Variants in TIAM2 observed in about 807,000 individuals in gnomAD.
The protein encoded by TIAM2 is TIAM Rac1 associated GEF 2.
TIAM2 carries 80 observed loss-of-function variants against 152.9 expected under a neutral mutation model. That is an observed-to-expected ratio of 0.52 (90% CI 0.44 to 0.63). TIAM2 has a LOEUF of 0.63. Among genes scored for constraint, TIAM2 ranks in the 30% least tolerant of loss-of-function variants. The pLI is 0.00. For synonymous variants in TIAM2, 804 were observed against 838.0 expected (o/e 0.96, Z 0.70); for missense variants, 1,965 against 2,120.1 (o/e 0.93, Z 1.44).
chr6:155,226,209 A>G (rs1469415174), intron 15 of TIAM2, among the ~76,000 whole-genome samples: 1 of 152,250 alleles, frequency 6.6e-6, no homozygotes, highest in Non-Finnish European at 1.5e-5. Context: ...TCTTTGATCC[A>G]TGAAACCTGA....
rs535713382 is a variant in TIAM2 at position 155,168,716 on chromosome 6, A to G, written c.2361+3307A>G. On this transcript the variant is annotated intron_variant, in intron 9 of 26. Transcript: ENST00000682666. ...AAACTTTAAGTGTATTAGAATAATG[A>G]TACAAATTGTGATATGAAGCTCTTC... 5.7e-4 allele frequency: 429 copies of G among 750,668 alleles called. 3 individuals carry two copies. In the African/African-American group the frequency reaches 6.7e-3, roughly 12 times the overall value. 46.5% of individuals were successfully genotyped at this position (750,668 alleles called of 1,614,324 possible).
chr6:155,056,923 G>A (rs76248379), intron 1 of TIAM2, among the ~76,000 whole-genome samples: 3,014 of 150,500 alleles, frequency 0.02, 157 homozygotes, highest in Admixed American at 0.13. Flanking sequence ...TCTTAGCTGT[G>A]ACAGTTTCTG....
At chr6:155,118,075 A>T (rs1032426481) in intron 2 of TIAM2, among the ~76,000 whole-genome samples, 1 of 151,974 alleles carries the variant, frequency 6.6e-6, no homozygotes, top group Non-Finnish European at 1.5e-5. Context: ...AAGTGTCCTG[A>T]GGTTGATGGT....
rs1780720989 is a variant in TIAM2 at position 155,174,716 on chromosome 6, G to A, written c.2362-2100G>A. Among the ~76,000 whole-genome samples the A allele has an allele frequency of 6.6e-6, 1 of 152,116 alleles. No homozygotes were observed. Among genetic ancestry groups the A allele is most frequent in the Non-Finnish European group, 1.5e-5 (1 of 68,030 alleles). On this transcript the variant is annotated intron_variant, in intron 9 of 26. Coordinates refer to ENST00000682666, the MANE Select transcript of TIAM2 (RefSeq NM_012454.4). This position sits in a 1 kb window ranked among gnomAD's most constrained non-coding sequence, Gnocchi z 4.2. ...TTGTCAGTAACGGTGAGAACAAGAG[G>A]GTGTGAAGGCACAGTGTTAATTTGT...
At chr6:155,047,958 T>C (rs1353301139) in intron 1 of TIAM2, among the ~76,000 whole-genome samples, 3 of 152,138 alleles carry the variant, frequency 2.0e-5, no homozygotes, top group East Asian at 3.9e-4. Flanking sequence ...TTTTATTTTA[T>C]TTATTTGTTT....
chr6:155,124,219 C>A (rs1314293573), intron 2 of TIAM2, among the ~76,000 whole-genome samples: 2 of 152,240 alleles, frequency 1.3e-5, no homozygotes, highest in Admixed American at 6.5e-5. Flanking sequence ...TGGAGTTTCA[C>A]CATTTTGGCC....
At chr6:155,114,960 T>A (rs780053505) in intron 2 of TIAM2, among the ~76,000 whole-genome samples, 97 of 152,244 alleles carry the variant, frequency 6.4e-4, no homozygotes, top group Admixed American at 1.7e-3. Context: ...CCCAAGTAGC[T>A]GGGACTACAG....
chr6:155,256,395 T>C (rs895961336), intron 26 of TIAM2, 89 bp from the exon 27 acceptor site: 18 of 1,560,524 alleles, frequency 1.2e-5, no homozygotes, highest in Non-Finnish European at 1.6e-5. Context: ...AAAATCTTAA[T>C]GTTAAATCTT....
intron 14 of TIAM2, among the ~76,000 whole-genome samples, chr6:155,197,340 C>A (rs1781370213): frequency 6.6e-6 from 1 of 152,196 alleles, no homozygotes; most frequent in African/African-American, 2.4e-5. Context: ...CTTCGCATAG[C>A]AGTATTAGCA....
intron 7 of TIAM2, among the ~76,000 whole-genome samples, chr6:155,154,010 T>A (rs1780041307): frequency 6.6e-6 from 1 of 152,182 alleles, no homozygotes; most frequent in South Asian, 2.1e-4. Context: ...TTTTATGAGA[T>A]ATTTGACAAA....
At chr6:155,003,087 T>C (rs1410602462) in intron 1 of TIAM2, among the ~76,000 whole-genome samples, 3 of 152,158 alleles carry the variant, frequency 2.0e-5, no homozygotes, top group South Asian at 2.1e-4. Flanking sequence ...GAAGTGTTCA[T>C]TGAAATTGTT....
At chr6:155,254,761 A>G in intron 26 of TIAM2, 188 bp downstream of exon 26, 2 of 636,728 alleles carry the variant, frequency 3.1e-6, no homozygotes, top group Non-Finnish European at 5.2e-6. Flanking sequence ...GCCACCCCCA[A>G]CCCCCAGTCC....
At chr6:155,162,737 T>C (rs1210125268) in intron 7 of TIAM2, among the ~76,000 whole-genome samples, 3 of 152,136 alleles carry the variant, frequency 2.0e-5, no homozygotes, top group Admixed American at 2.0e-4. Flanking sequence ...GCATCTGCAT[T>C]TTTAAAAGCC....
chr6:155,029,768 A>G (rs1256956566), intron 1 of TIAM2, among the ~76,000 whole-genome samples: 1 of 147,038 alleles, frequency 6.8e-6, no homozygotes, highest in East Asian at 2.0e-4. Flanking sequence ...GTAGAAAAAA[A>G]CCTAAAGACT....
rs1438502032 is a variant in TIAM2, at chr6:154,995,544, G to C, written c.-209+52G>C. 1 of 151,334 alleles carries C rather than the reference G, an allele frequency of 6.6e-6. No homozygotes were observed. 9.4% of individuals were successfully genotyped at this position (151,334 alleles called of 1,614,324 possible). A position where few individuals can be genotyped will look rare whatever the true frequency, so the allele number is the denominator to read the frequency against. ...GGAGGGCGACGACCCGCGCTGGTTG[G>C]CGGCGGCTCCAGGTCCCCTGCGGGC... is the stretch of plus-strand genomic sequence containing the variant. On this transcript the variant is annotated intron_variant, in intron 1 of 26. Transcript: ENST00000682666. This position sits in a 1 kb window ranked among gnomAD's most constrained non-coding sequence, Gnocchi z 5.2.
chr6:155,163,314 T>C (rs772798678), intron 7 of TIAM2, among the ~76,000 whole-genome samples: 17 of 152,248 alleles, frequency 1.1e-4, no homozygotes, highest in Non-Finnish European at 2.2e-4. Flanking sequence ...TCTGTTCTTC[T>C]CGTTCTTCTG....
chr6:155,082,860 G>A (rs1274901395), intron 1 of TIAM2, among the ~76,000 whole-genome samples: 1 of 152,086 alleles, frequency 6.6e-6, no homozygotes, highest in African/African-American at 2.4e-5. Context: ...AACTAGGTGG[G>A]AGGTTCTGAC....
intron 1 of TIAM2, among the ~76,000 whole-genome samples, chr6:155,005,919 G>A (rs1330736581): frequency 6.6e-6 from 1 of 152,240 alleles, no homozygotes; most frequent in Non-Finnish European, 1.5e-5. Context: ...CAAAGTGCTG[G>A]CATCACAGGC....
chr6:155,105,496 A>G (rs964894902), intron 2 of TIAM2, among the ~76,000 whole-genome samples: 1 of 151,400 alleles, frequency 6.6e-6, no homozygotes, highest in East Asian at 1.9e-4. Context: ...GGGTCTCCCT[A>G]TGTTGTCCAG....
Sources: gnomAD v4.1 joint callset for allele counts (sites outside exome capture counted in the v4.1 genomes callset) on GRCh38, gnomAD v4.1.1 for gene constraint, Gnocchi (gnomAD v3.1) non-coding constraint, MANE v1.5 for transcripts, NCBI Gene and HGNC (gene_info 2026-07-23, HGNC 2026-07-21) for gene names.